MS4A4A: variants seen among roughly 807,000 people sequenced by gnomAD.
The protein encoded by MS4A4A is membrane spanning 4-domains A4A, also known as membrane-spanning 4-domains subfamily A member 4A.
A neutral mutation model predicts 28.0 loss-of-function variants in MS4A4A; 26 were observed. The ratio of observed to expected loss-of-function variants is 0.93; its 90% CI spans 0.68 to 1.29. The LOEUF is 1.29. Ranked by LOEUF, MS4A4A falls within the 50% of genes most tolerant of loss-of-function variation. MS4A4A has a pLI of 0.00. For missense variants in MS4A4A, 290 were observed against 293.1 expected (o/e 0.99, Z 0.08); for synonymous variants, 86 against 100.8 (o/e 0.85, Z 0.88).
intron 3 of MS4A4A, among the ~76,000 whole-genome samples, chr11:60,297,948 T>G (rs2084920481): frequency 6.6e-6 from 1 of 152,110 alleles, no homozygotes; most frequent in South Asian, 2.1e-4. Context: ...GTCTACTGAC[T>G]ATCGAAACTC....
In MS4A4A at chr11:60,301,065, A is replaced by G. The variant is rs1478765158; in HGVS notation, c.387+8A>G. 1.3e-6 allele frequency: 2 copies of G among 1,579,840 alleles called. No homozygotes were observed. Among genetic ancestry groups the G allele is most frequent in the African/African-American group, 2.7e-5 (2 of 73,150 alleles). The stretch of plus-strand genomic sequence containing the variant: ...AGAACTACAAAAGGCCTGGTGAGTA[A>G]TATTTTCTTTTTTTGGTATCAAAAA... On this transcript the variant is annotated splice_region_variant and intron_variant, in intron 4 of 6. Transcript: ENST00000337908.
chr11:60,306,026 A>C, intron 5 of MS4A4A, 74 bp from the exon 6 acceptor site: 5 of 1,283,024 alleles, frequency 3.9e-6, no homozygotes, highest in Non-Finnish European at 4.5e-6. Flanking sequence ...CTCTTATGAC[A>C]TTGTGGTTAC....
intron 1 of MS4A4A, among the ~76,000 whole-genome samples, chr11:60,288,680 A>C (rs962737686): frequency 3.9e-5 from 6 of 152,156 alleles, no homozygotes; most frequent in African/African-American, 1.4e-4. Context: ...ATGGTAGGGC[A>C]TGGCAATATC....
rs755340838 is a variant in MS4A4A at position 60,302,496 on chromosome 11, G to A, written c.388-63G>A. On this transcript the variant is annotated intron_variant, in intron 4 of 6. Transcript: ENST00000337908. ...AAGAAAGAGATGGTGGGTGTAAAGT[G>A]ATTCATGGAGATATATCTGAGGATG... 1.3e-4 allele frequency: 197 copies of A among 1,513,282 alleles called. 1 individual carries two copies. The highest frequency in any genetic ancestry group is 3.5e-4 in the Middle Eastern group (2 of 5,704). 93.7% of individuals were successfully genotyped at this position (1,513,282 alleles called of 1,614,324 possible).
intron 3 of MS4A4A, among the ~76,000 whole-genome samples, chr11:60,299,118 T>C (rs900677647): frequency 6.6e-6 from 1 of 152,232 alleles, no homozygotes; most frequent in Non-Finnish European, 1.5e-5. Context: ...ACATACACAC[T>C]TGTAATGTGT....
Position 60,308,265 on chromosome 11 carries a change from A to T in MS4A4A, c.*87A>T. On this transcript the variant is annotated 3_prime_UTR_variant, in exon 7 of 7. Transcript: ENST00000337908. The stretch of plus-strand genomic sequence containing the variant: ...CTCACATGAGAAATTACCAGTATCC[A>T]ACTTCGATACTGATAGACTTGTTGA... 8.3e-7 allele frequency: 1 copy of T among 1,204,370 alleles called. No homozygotes were observed. The highest frequency in any genetic ancestry group is 1.2e-6 in the Non-Finnish European group (1 of 813,952). 74.6% of individuals were successfully genotyped at this position (1,204,370 alleles called of 1,614,324 possible). A position where few individuals can be genotyped will look rare whatever the true frequency, so the allele number is the denominator to read the frequency against.
chr11:60,292,261 G>T lies in MS4A4A; in HGVS notation c.78G>T (p.Met26Ile). ...CTGCCATGACAACCATGCAAGGAAT[G>T]GAACAGGCCATGCCAGGGGCTGGCC... Reference protein sequence around the residue: ...FSAAMTTMQGMEQAMPGAGPG... With the variant: ...FSAAMTTMQGIEQAMPGAGPG... The change falls in exon 2 of 7, where the codon ATG becomes ATT. Residue 26 changes from methionine to isoleucine, a missense_variant. Transcript: ENST00000337908. 6.3e-7 allele frequency: 1 copy of T among 1,587,246 alleles called. No individual in the cohort carries two copies. Among genetic ancestry groups the T allele is most frequent in the Non-Finnish European group, 8.5e-7 (1 of 1,169,956 alleles).
chr11:60,308,362 T>G lies in MS4A4A; in HGVS notation c.*184T>G. ...AGATAATAAATTCAAAATTATGTTC[T>G]CATTTTTTTCCCTGGAACTCAATAA... On this transcript the variant is annotated 3_prime_UTR_variant, in exon 7 of 7. Transcript: ENST00000337908. The G allele has an allele frequency of 1.9e-6, 1 of 527,062 alleles. No individual in the cohort carries two copies. The allele number at this position is 527,062 out of a possible 1,614,324, so 32.6% of individuals were successfully genotyped here. A position where few individuals can be genotyped will look rare whatever the true frequency, so the allele number is the denominator to read the frequency against.
rs1034175590 is a variant in MS4A4A at position 60,306,258 on chromosome 11, C to T, written c.648+57C>T. On this transcript the variant is annotated intron_variant, in intron 6 of 6. Coordinates refer to ENST00000337908, the MANE Select transcript of MS4A4A (RefSeq NM_148975.3). ...TATTAGTTTTCTATTGCTGTGTAAT[C>T]GATTACACACACTTAGAGTCTTAAC... The T allele has an allele frequency of 5.4e-5, 70 of 1,294,904 alleles. 1 individual carries two copies. The highest frequency in any genetic ancestry group is 4.2e-4 in the African/African-American group (29 of 68,348). 80.2% of individuals were successfully genotyped at this position (1,294,904 alleles called of 1,614,324 possible).
chr11:60,281,651 A>G (rs1462402262), intron 1 of MS4A4A, among the ~76,000 whole-genome samples: 12 of 151,984 alleles, frequency 7.9e-5, no homozygotes, highest in South Asian at 2.1e-4. Context: ...CACTCTCCTC[A>G]TGCTCTCTCC....
intron 2 of MS4A4A, chr11:60,296,829 G>T: frequency 3.7e-6 from 1 of 271,398 alleles, no homozygotes; most frequent in Non-Finnish European, 7.1e-6. Flanking sequence ...CCTTTCTTCA[G>T]GTTACTTCTC....
chr11:60,306,285 C>A, intron 6 of MS4A4A, 84 bp downstream of exon 6: 2 of 1,065,574 alleles, frequency 1.9e-6, no homozygotes, highest in Non-Finnish European at 2.9e-6. Context: ...AGTCTTAACA[C>A]AGAACACATT....
chr11:60,301,386 G>T (rs1236191268), intron 4 of MS4A4A, among the ~76,000 whole-genome samples: 1 of 152,172 alleles, frequency 6.6e-6, no homozygotes, highest in African/African-American at 2.4e-5. Flanking sequence ...CCAAGCATTG[G>T]TGTTGTGTAA....
At chr11:60,293,525 T>C (rs536346007) in intron 2 of MS4A4A, among the ~76,000 whole-genome samples, 40 of 152,318 alleles carry the variant, frequency 2.6e-4, no homozygotes, top group African/African-American at 8.7e-4. Context: ...TGACACATCA[T>C]TACTAAAAGT....
In MS4A4A at chr11:60,308,230, A is replaced by G. The variant is rs2085022567; in HGVS notation, c.*52A>G. On this transcript the variant is annotated 3_prime_UTR_variant, in exon 7 of 7. Transcript: ENST00000337908. ...GCTCCAGAAATCTATGCTGACTGTG[A>G]CACAAGAGCCTCACATGAGAAATTA... The G allele has an allele frequency of 6.5e-7, 1 of 1,546,702 alleles. No individual in the cohort carries two copies. The highest frequency in any genetic ancestry group is 8.9e-7 in the Non-Finnish European group (1 of 1,120,204).
At chr11:60,289,028 G>C (rs1468225375) in intron 1 of MS4A4A, among the ~76,000 whole-genome samples, 1 of 152,200 alleles carries the variant, frequency 6.6e-6, no homozygotes. Context: ...AGCAGGTAGA[G>C]AGTAGACAGC....
chr11:60,292,418 T>C (rs2084865884), intron 2 of MS4A4A, 34 bp downstream of exon 2: 2 of 1,545,364 alleles, frequency 1.3e-6, no homozygotes, highest in African/African-American at 1.4e-5. Context: ...ACCAATGGTG[T>C]TGCAAACTCA....
chr11:60,280,701 G>A lies in MS4A4A; in HGVS notation c.26G>A (p.Cys9Tyr), dbSNP rs754435706. 13 of 1,613,652 alleles carry A rather than the reference G, an allele frequency of 8.1e-6. No individual in the cohort carries two copies. In the South Asian group the frequency reaches 1.4e-4, roughly 18 times the overall value. The change falls in exon 1 of 7, where the codon TGC (cysteine) becomes TAC (tyrosine). Residue 9 changes from cysteine (C) to tyrosine (Y), a missense_variant. Physicochemically the swap from Cys to Tyr is radical, Grantham distance 194 (BLOSUM62 -2). Transcript: ENST00000337908. MHQTYSRH[C>Y]RPEESTFSAA... is the part of the protein sequence containing the mutation. ...ATGCATCAGACCTACAGCAGACATT[G>A]CAGGCCTGAAGAAAGGTAGGTCCAG...
At position 60,301,764 on chromosome 11, in the gene MS4A4A, G is replaced by GT. The variant is rs562603077; in HGVS notation, c.387+715dup. Among the ~76,000 whole-genome samples, 583 of 151,500 alleles carry GT rather than the reference G, an allele frequency of 3.8e-3. 3 individuals are homozygous for GT. Among genetic ancestry groups the GT allele is most frequent in the African/African-American group, 0.013 (538 of 41,304 alleles). ...GTGCAAGTTTAGTTCTTTTTTGTTT[G>GT]TTTTTTTTCTGGTTTTTGGTTTTTG... On this transcript the variant is annotated intron_variant, in intron 4 of 6. Coordinates refer to ENST00000337908, the MANE Select transcript of MS4A4A (RefSeq NM_148975.3).
Sources: gnomAD v4.1 joint callset for allele counts (sites outside exome capture counted in the v4.1 genomes callset) on GRCh38, gnomAD v4.1.1 for gene constraint, MANE v1.5 for transcripts, NCBI Gene and HGNC (gene_info 2026-07-23, HGNC 2026-07-21) for gene names.